MMP16: variants seen among roughly 807,000 people sequenced by gnomAD.
MMP16 encodes the protein matrix metalloproteinase-16.
MMP16 carries 12 observed loss-of-function variants against 67.8 expected under a neutral mutation model. The observed-to-expected ratio is 0.18, with a 90% CI of 0.11 to 0.29. MMP16 has a LOEUF of 0.29. Ranked by LOEUF, MMP16 falls within the 10% of genes least tolerant of loss-of-function variation. The pLI is 1.00. For synonymous variants in MMP16, 249 were observed against 255.9 expected, an observed-to-expected ratio of 0.97 and a Z score of 0.26; for missense variants, 475 against 765.7, an observed-to-expected ratio of 0.62 and a Z score of 4.48.
intron 4 of MMP16, among the ~76,000 whole-genome samples, chr8:88,138,194 A>G (rs1251202215): frequency 6.6e-6 from 1 of 151,886 alleles, no homozygotes; most frequent in Non-Finnish European, 1.5e-5. Flanking sequence ...TAATATTTTC[A>G]TCTATATTCA....
At chr8:88,073,449 A>G (rs759107086) in intron 7 of MMP16, among the ~76,000 whole-genome samples, 35 of 152,230 alleles carry the variant, frequency 2.3e-4, no homozygotes, top group Admixed American at 1.0e-3. Context: ...CATTTTTCAG[A>G]TTAGGAAACT....
Position 88,040,542 on chromosome 8 carries a change from T to C in MMP16, c.*919A>G, listed in dbSNP as rs1011392205. 6.6e-6 allele frequency: 1 copy of C among 152,398 alleles called. No individual in the cohort carries two copies. The highest frequency in any genetic ancestry group is 1.5e-5 in the Non-Finnish European group (1 of 68,038). 9.4% of individuals were successfully genotyped at this position (152,398 alleles called of 1,614,324 possible). A position where few individuals can be genotyped will look rare whatever the true frequency, so the allele number is the denominator to read the frequency against. ...AGACATACTGCTTCTTGCTCTGCTTTGTAACGAATATTCCTGACAGACCCA... is the reference window on the plus strand; with the variant it reads ...AGACATACTGCTTCTTGCTCTGCTTCGTAACGAATATTCCTGACAGACCCA... On this transcript the variant is annotated 3_prime_UTR_variant, in exon 10 of 10. Coordinates refer to ENST00000286614, the MANE Select transcript of MMP16 (RefSeq NM_005941.5).
chr8:88,204,600 A>G (rs1809396367), intron 1 of MMP16, among the ~76,000 whole-genome samples: 1 of 152,132 alleles, frequency 6.6e-6, no homozygotes, highest in African/African-American at 2.4e-5. Flanking sequence ...GTTCACCTTA[A>G]TATTTCTATT....
intron 3 of MMP16, among the ~76,000 whole-genome samples, chr8:88,184,629 C>T (rs1031646987): frequency 9.3e-5 from 12 of 129,062 alleles, no homozygotes; most frequent in African/African-American, 3.5e-4. Context: ...CACCTATAAT[C>T]CCAGCTACTC....
intron 2 of MMP16, among the ~76,000 whole-genome samples, chr8:88,186,927 C>A (rs1001057519): frequency 5.9e-5 from 9 of 152,146 alleles, no homozygotes; most frequent in African/African-American, 2.2e-4. Context: ...GGTATATAAT[C>A]TTGGGCAAGT....
intron 1 of MMP16, among the ~76,000 whole-genome samples, chr8:88,306,324 G>A (rs1173276533): frequency 1.3e-5 from 2 of 152,108 alleles, no homozygotes; most frequent in African/African-American, 2.4e-5. Flanking sequence ...CCCAGCACCA[G>A]ATAGATTCAC....
At chr8:88,064,173 C>T (rs1206422405) in intron 7 of MMP16, among the ~76,000 whole-genome samples, 1 of 152,010 alleles carries the variant, frequency 6.6e-6, no homozygotes, top group East Asian at 1.9e-4. Flanking sequence ...ATGACAGAGT[C>T]CACATGGTGC....
intron 3 of MMP16, among the ~76,000 whole-genome samples, chr8:88,175,667 T>C (rs950219027): frequency 6.6e-6 from 1 of 152,208 alleles, no homozygotes; most frequent in African/African-American, 2.4e-5. Context: ...TTCCATTATC[T>C]TACTTAATTT....
Position 88,041,602 on chromosome 8 carries a change from A to C in MMP16, c.1683T>G (p.Thr561=), listed in dbSNP as rs1210008023. The C allele has an allele frequency of 4.3e-6, 7 of 1,614,054 alleles. No individual in the cohort carries two copies. The highest frequency in any genetic ancestry group is 5.9e-6 in the Non-Finnish European group (7 of 1,180,020). Residue 561 remains threonine, a synonymous_variant, in exon 10 of 10, where the codon ACT becomes ACG. Coordinates refer to ENST00000286614, the MANE Select transcript of MMP16 (RefSeq NM_005941.5). The surrounding 1 kb of genome is among the most constrained non-coding windows in gnomAD (Gnocchi z 6.0). ...IVIKLDNTAS[T]VKAIAIVIPC... Reference sequence around the variant, plus strand: ...GAATGACAATAGCTATGGCTTTCACAGTGCTGGCTGTGTTGTCCAGTTTGA... The same window carrying C: ...GAATGACAATAGCTATGGCTTTCACCGTGCTGGCTGTGTTGTCCAGTTTGA...
intron 8 of MMP16, among the ~76,000 whole-genome samples, chr8:88,050,123 A>G (rs1586123016): frequency 6.6e-6 from 1 of 152,224 alleles, no homozygotes. Flanking sequence ...GGAGTTCAAG[A>G]CCAGCCTGGC....
chr8:88,073,636 T>C (rs1808598935), intron 7 of MMP16, among the ~76,000 whole-genome samples: 1 of 152,150 alleles, frequency 6.6e-6, no homozygotes, highest in Admixed American at 6.6e-5. Flanking sequence ...ATATAGGTAG[T>C]TTGAGCCTCA....
chr8:88,200,393 C>G (rs150960386), intron 1 of MMP16, among the ~76,000 whole-genome samples: 2 of 152,096 alleles, frequency 1.3e-5, no homozygotes, highest in East Asian at 3.9e-4. Flanking sequence ...CTGGGACTTA[C>G]CCCATCTCAT....
chr8:88,142,046 TAGCTGGGACTTAGGCGCAC>T (rs1368274120), intron 4 of MMP16, among the ~76,000 whole-genome samples: 1 of 151,968 alleles, frequency 6.6e-6, no homozygotes, highest in East Asian at 1.9e-4. Context: ...GCCTCCCAAG[TAGCTGGGACTTAGGCGCAC>T]AGCTAATTTT....
intron 4 of MMP16, among the ~76,000 whole-genome samples, chr8:88,166,163 T>A (rs567712372): frequency 6.6e-6 from 1 of 152,230 alleles, no homozygotes; most frequent in African/African-American, 2.4e-5. Context: ...CTAATCCAGC[T>A]AACTGAACCC....
At chr8:88,197,568 T>C (rs995492167) in intron 1 of MMP16, among the ~76,000 whole-genome samples, 3 of 152,164 alleles carry the variant, frequency 2.0e-5, no homozygotes, top group Non-Finnish European at 4.4e-5. Flanking sequence ...AAGCTTATAA[T>C]GTATAACGTA....
At chr8:88,042,416 TTAACAAGTAAAGACGTATTCA>T (rs1305873077) in intron 9 of MMP16, among the ~76,000 whole-genome samples, 1 of 152,192 alleles carries the variant, frequency 6.6e-6, no homozygotes, top group Non-Finnish European at 1.5e-5. Context: ...GCAAGGAATC[TTAACAAGTAAAGACGTATTCA>T]TAGTATTCGG....
intron 1 of MMP16, among the ~76,000 whole-genome samples, chr8:88,218,994 T>G (rs772186290): frequency 1.3e-5 from 2 of 152,060 alleles, no homozygotes; most frequent in Non-Finnish European, 2.9e-5. Flanking sequence ...TCTCAGGGAT[T>G]AGAGCAGACC....
At chr8:88,266,044 G>A (rs766899217) in intron 1 of MMP16, among the ~76,000 whole-genome samples, 1 of 152,118 alleles carries the variant, frequency 6.6e-6, no homozygotes, top group African/African-American at 2.4e-5. Context: ...GGACACCACT[G>A]GCATTCTGCA....
At chr8:88,214,567 A>G (rs1809559465) in intron 1 of MMP16, among the ~76,000 whole-genome samples, 1 of 152,188 alleles carries the variant, frequency 6.6e-6, no homozygotes, top group South Asian at 2.1e-4. Context: ...TGAAGTAAGT[A>G]TATATATGGA....
Sources: gnomAD v4.1 joint callset for allele counts (sites outside exome capture counted in the v4.1 genomes callset) on GRCh38, gnomAD v4.1.1 for gene constraint, Gnocchi (gnomAD v3.1) non-coding constraint, MANE v1.5 for transcripts, NCBI Gene and HGNC (gene_info 2026-07-23, HGNC 2026-07-21) for gene names.